The following BRWD3 variants were observed in gnomAD, a reference collection of about 807,000 sequenced individuals.
BRWD3 encodes bromodomain and WD repeat-containing protein 3.
In BRWD3, 10 loss-of-function variants were observed where a neutral mutation model predicts 149.7. That is an observed-to-expected ratio of 0.07 (90% CI 0.04 to 0.11). The LOEUF (loss-of-function observed/expected upper bound fraction) is 0.11. BRWD3 is among the 10% of genes least tolerant of loss of function. The pLI is 1.00. For missense variants in BRWD3, 940 were observed against 1,373.2 expected (o/e 0.68, Z 4.99); for synonymous variants, 504 against 456.7 (o/e 1.10, Z -1.32).
chrX:80,740,977 G>A (rs952741485), intron 8 of BRWD3, among the ~76,000 whole-genome samples: 18 of 110,796 alleles, frequency 1.6e-4, no homozygotes, highest in African/African-American at 3.9e-4. Context: ...TGTTACATAC[G>A]TATACATGTG....
intron 6 of BRWD3, among the ~76,000 whole-genome samples, chrX:80,768,663 C>G (rs983969282): frequency 9.0e-6 from 1 of 111,487 alleles, no homozygotes; most frequent in Non-Finnish European, 1.9e-5. Flanking sequence ...TAGGAAGAAA[C>G]TGCATCAACT....
intron 4 of BRWD3, among the ~76,000 whole-genome samples, chrX:80,808,054 TC>T: frequency 3.5e-5 from 1 of 28,537 alleles, no homozygotes; most frequent in African/African-American, 1.4e-4. Context: ...CTCCCACGCC[TC>T]CCCCCTGCCC....
chrX:80,738,316 ATGAGAAAACATGTTATGGACTGTT>A (rs2073434076), intron 8 of BRWD3, among the ~76,000 whole-genome samples: 1 of 111,923 alleles, frequency 8.9e-6, no homozygotes, highest in Non-Finnish European at 1.9e-5. Context: ...ATTGTTTTAA[ATGAGAAAACATGTTATGGACTGTT>A]TAATACATAC....
chrX:80,684,368 C>T (rs2072493950), intron 36 of BRWD3, among the ~76,000 whole-genome samples: 1 of 111,668 alleles, frequency 9.0e-6, no homozygotes, highest in Non-Finnish European at 1.9e-5. Context: ...CCTCACACCA[C>T]AGTAATAACC....
chrX:80,734,855 T>C, intron 10 of BRWD3, among the ~76,000 whole-genome samples: 1 of 110,737 alleles, frequency 9.0e-6, no homozygotes. Context: ...CAGTAAACTT[T>C]TTTGTTAGTG....
At chrX:80,803,646 T>C (rs2074324436) in intron 4 of BRWD3, among the ~76,000 whole-genome samples, 1 of 112,268 alleles carries the variant, frequency 8.9e-6, no homozygotes, top group Admixed American at 9.5e-5. Context: ...TAGCATTATA[T>C]GCACAATACA....
rs1459353354 is a variant in BRWD3, at chrX:80,696,855, C to T, written c.2952G>A (p.Glu984=). 3 of 1,197,240 alleles carry T rather than the reference C, an allele frequency of 2.5e-6. No homozygotes were observed. In the Admixed American group the frequency reaches 6.5e-5, roughly 26 times the overall value. Residue 984 remains glutamate (E), a synonymous_variant, in exon 26 of 41, where the codon GAG becomes GAA. Transcript: ENST00000373275. The part of the protein sequence containing the change: ...PWNKMDLREQ[E]FVKIVGIKYE... The stretch of plus-strand genomic sequence containing the variant: ...ATTTGATTCCTACAATCTTAACAAA[C>T]TCTTGCTCCTATTCATGAGAATACC...
At chrX:80,769,914 G>C (rs1184338805) in intron 6 of BRWD3, among the ~76,000 whole-genome samples, 1 of 110,924 alleles carries the variant, frequency 9.0e-6, no homozygotes, top group African/African-American at 3.3e-5. Context: ...ATGATAAAGG[G>C]GATATCACCA....
rs1468878154 is a variant in BRWD3 at position 80,808,563 on chromosome X, C to T, written c.156G>A (p.Glu52=). The stretch of plus-strand genomic sequence containing the variant: ...CCAGATCCTCGAAGCTTCTTCGGTG[C>T]TCTTTCCCCTCCCAATCTAAGCGGC... ...IPRRLDWEGK[E]HRRSFEDLVA... is the part of the protein sequence containing the mutation. The change falls in exon 4 of 41, where the codon GAG becomes GAA. Residue 52 remains glutamate (E), a synonymous_variant. Transcript: ENST00000373275. 1 of 1,208,951 alleles carries T rather than the reference C, an allele frequency of 8.3e-7. No individual in the cohort carries two copies. The highest frequency in any genetic ancestry group is 1.1e-6 in the Non-Finnish European group (1 of 894,253).
intron 6 of BRWD3, among the ~76,000 whole-genome samples, chrX:80,768,907 C>CA (rs1463600775): frequency 8.9e-5 from 9 of 101,307 alleles, no homozygotes; most frequent in East Asian, 6.2e-4. Context: ...AAATGGAAAG[C>CA]AAAAAAAAGA....
intron 6 of BRWD3, among the ~76,000 whole-genome samples, chrX:80,786,365 A>G (rs889378347): frequency 2.7e-5 from 3 of 111,150 alleles, no homozygotes; most frequent in African/African-American, 9.8e-5. Flanking sequence ...TCCATTTATT[A>G]TACAAATTCT....
chrX:80,735,559 G>A (rs1006678151), intron 9 of BRWD3, among the ~76,000 whole-genome samples: 1 of 110,939 alleles, frequency 9.0e-6, no homozygotes, highest in Non-Finnish European at 1.9e-5. Context: ...AGTGGCTCAC[G>A]CCTGTAATCC....
At chrX:80,792,304 C>T (rs946082541) in intron 5 of BRWD3, among the ~76,000 whole-genome samples, 2 of 111,406 alleles carry the variant, frequency 1.8e-5, no homozygotes, top group Non-Finnish European at 3.8e-5. Context: ...CATATAAAAC[C>T]GTATAAGCAA....
At chrX:80,793,537 G>T in intron 5 of BRWD3, 85 bp downstream of exon 5, 1 of 981,246 alleles carries the variant, frequency 1.0e-6, no homozygotes, top group Non-Finnish European at 1.4e-6. Flanking sequence ...ATTTAGAAAA[G>T]CATGGGAACA....
intron 4 of BRWD3, among the ~76,000 whole-genome samples, chrX:80,803,464 G>A (rs1013206181): frequency 9.0e-6 from 1 of 111,267 alleles, no homozygotes; most frequent in Non-Finnish European, 1.9e-5. Flanking sequence ...TTGAAAGTAC[G>A]TTCCTTAGAG....
At chrX:80,757,224 T>C (rs762646944) in intron 6 of BRWD3, among the ~76,000 whole-genome samples, 1 of 111,964 alleles carries the variant, frequency 8.9e-6, no homozygotes, top group South Asian at 3.7e-4. Context: ...CAGGCTCTAT[T>C]TACTAAAAAA....
chrX:80,750,766 G>C (rs1362684905), intron 6 of BRWD3, among the ~76,000 whole-genome samples: 2 of 110,020 alleles, frequency 1.8e-5, no homozygotes, highest in African/African-American at 6.6e-5. Context: ...AGAGATGTCT[G>C]CACTCTCATG....
At position 80,707,485 on chromosome X, in the gene BRWD3, T is replaced by C; in HGVS notation, c.2494A>G (p.Thr832Ala). Residue 832 changes from threonine to alanine, a missense_variant, in exon 22 of 41, where the codon ACA (threonine) becomes GCA (alanine). By Grantham distance (58) the Thr-to-Ala change is moderately conservative. Transcript: ENST00000373275. ...SSSEEDETVG[T>A]SDASVEDPVV... ...GGATCCTCTACCGAAGCGTCACTTGTGCCAACAGTTTCATCTTCCTACAAC... is the reference window on the plus strand; with the variant it reads ...GGATCCTCTACCGAAGCGTCACTTGCGCCAACAGTTTCATCTTCCTACAAC... 8.3e-7 allele frequency: 1 copy of C among 1,211,193 alleles called. No individual in the cohort carries two copies. Among genetic ancestry groups the C allele is most frequent in the Non-Finnish European group, 1.1e-6 (1 of 894,736 alleles).
In BRWD3 at chrX:80,707,377, G is replaced by A. The variant is rs770563163; in HGVS notation, c.2552+50C>T. On this transcript the variant is annotated intron_variant, in intron 22 of 40. Transcript: ENST00000373275. ...CAATTTCCTACGAGAACATAATTTC[G>A]TATTAAAACTGTTCAATAATTTTGA... The A allele has an allele frequency of 1.2e-5, 12 of 1,037,209 alleles. No individual in the cohort carries two copies. In the South Asian group the frequency reaches 2.1e-4, roughly 18 times the overall value. The allele number at this position is 1,037,209 out of a possible 1,213,427, so 85.5% of individuals were successfully genotyped here.
Sources: gnomAD v4.1 joint callset for allele counts (sites outside exome capture counted in the v4.1 genomes callset) on GRCh38, gnomAD v4.1.1 for gene constraint, MANE v1.5 for transcripts, NCBI Gene and HGNC (gene_info 2026-07-23, HGNC 2026-07-21) for gene names.